GADD45A: variants seen among roughly 807,000 people sequenced by gnomAD.
GADD45A encodes the protein growth arrest and DNA damage-inducible protein GADD45 alpha.
Under a neutral mutation model 17.7 loss-of-function variants are expected in GADD45A, and 9 were observed. That is an observed-to-expected ratio of 0.51 (90% CI 0.31 to 0.89). The LOEUF (loss-of-function observed/expected upper bound fraction) is 0.89, where lower values mean the gene tolerates loss of function less well. Ranked by LOEUF, GADD45A falls within the 40% of genes least tolerant of loss-of-function variation. The pLI is 0.05. For missense variants in GADD45A, 149 were observed against 220.6 expected (o/e 0.68, Z 2.06); for synonymous variants, 95 against 92.2 (o/e 1.03, Z -0.17).
intron 3 of GADD45A, 21 bp downstream of exon 3, chr1:67,686,608 A>C (rs1415279592): frequency 6.3e-7 from 1 of 1,596,556 alleles, no homozygotes; most frequent in African/African-American, 1.3e-5. Context: ...GGGGGACTGC[A>C]GCCTGCAGGG....
Position 67,686,454 on chromosome 1 carries a change from A to C in GADD45A, c.251A>C (p.Glu84Ala). 1 of 1,613,858 alleles carries C rather than the reference A, an allele frequency of 6.2e-7. No homozygotes were observed. The highest frequency in any genetic ancestry group is 8.5e-7 in the Non-Finnish European group (1 of 1,179,862). ...HFTLIQAFCC[E>A]NDINILRVSN... ...ACCCTGATCCAGGCGTTTTGCTGCGAGAACGACATCAACATCCTGCGCGTC... is the reference window on the plus strand; with the variant it reads ...ACCCTGATCCAGGCGTTTTGCTGCGCGAACGACATCAACATCCTGCGCGTC... Residue 84 changes from glutamate to alanine, a missense_variant, in exon 3 of 4, where the codon GAG becomes GCG. Glu to Ala is a moderately radical substitution (Grantham distance 107, BLOSUM62 -1). Transcript: ENST00000370986.
chr1:67,686,016 C>T lies in GADD45A; in HGVS notation c.45-9C>T. 2 of 1,589,072 alleles carry T rather than the reference C, an allele frequency of 1.3e-6. No homozygotes were observed. Among genetic ancestry groups the T allele is most frequent in the Non-Finnish European group, 1.7e-6 (2 of 1,167,268 alleles). ...GCTGACGGGACCCCTCGCCCTTGCC[C>T]GCGTGTAGGATGGATAAGGTGGGGG... On this transcript the variant is annotated splice_polypyrimidine_tract_variant and intron_variant, in intron 1 of 3. Transcript: ENST00000370986.
At chr1:67,686,295 A>G (rs1319937964) in intron 2 of GADD45A, 55 bp from the exon 3 acceptor site, 5 of 1,519,580 alleles carry the variant, frequency 3.3e-6, no homozygotes, top group Non-Finnish European at 4.5e-6. Flanking sequence ...GGACCCGGGC[A>G]GTGGTTGAGG....
In GADD45A at chr1:67,685,261, G is replaced by T. The variant is rs1057313722; in HGVS notation, c.-234G>T. 9.9e-6 allele frequency: 5 copies of T among 507,240 alleles called. No individual in the cohort carries two copies. The highest frequency in any genetic ancestry group is 7.2e-5 in the East Asian group (2 of 27,862). 31.4% of individuals were successfully genotyped at this position (507,240 alleles called of 1,614,324 possible). A position where few individuals can be genotyped will look rare whatever the true frequency, so the allele number is the denominator to read the frequency against. On this transcript the variant is annotated 5_prime_UTR_variant, in exon 1 of 4. Transcript: ENST00000370986. ...CAATTAGTGTCGTGCGGCCCGTGGCGAGGCGAGGTCCGGGGAGCGAGCGAG... is the reference window on the plus strand; with the variant it reads ...CAATTAGTGTCGTGCGGCCCGTGGCTAGGCGAGGTCCGGGGAGCGAGCGAG...
rs777665397 is a variant in GADD45A at position 67,685,558 on chromosome 1, C to G, written c.44+20C>G. 3 of 1,598,148 alleles carry G rather than the reference C, an allele frequency of 1.9e-6. No individual in the cohort carries two copies. The highest frequency in any genetic ancestry group is 1.7e-6 in the Non-Finnish European group (2 of 1,171,212). ...CGAAAGGTGAGTCGGCCTGCGGACT[C>G]TTCCGGCCCGAACTTCTCTTACCTA... On this transcript the variant is annotated intron_variant, in intron 1 of 3. Transcript: ENST00000370986.
intron 2 of GADD45A, 52 bp downstream of exon 2, chr1:67,686,178 G>A (rs1285988511): frequency 2.7e-6 from 4 of 1,496,774 alleles, no homozygotes; most frequent in Admixed American, 1.9e-5. Flanking sequence ...GCCCCAGCCC[G>A]GGAGGTCGCC....
rs1212339657 is a variant in GADD45A at position 67,688,088 on chromosome 1, A to G, written c.*314A>G. 1.3e-5 allele frequency: 3 copies of G among 231,802 alleles called. No individual in the cohort carries two copies. The highest frequency in any genetic ancestry group is 4.5e-5 in the African/African-American group (2 of 44,396). 14.4% of individuals were successfully genotyped at this position (231,802 alleles called of 1,614,324 possible). ...GTTGAGTTACATTAAAATAAACCAA[A>G]TATGTTAAAGTTTAAGTGTGCAGCC... is the stretch of plus-strand genomic sequence containing the variant. On this transcript the variant is annotated 3_prime_UTR_variant, in exon 4 of 4. Coordinates refer to ENST00000370986, the MANE Select transcript of GADD45A (RefSeq NM_001924.4).
At chr1:67,687,285 C>G (rs774942023) in intron 3 of GADD45A, among the ~76,000 whole-genome samples, 1 of 152,118 alleles carries the variant, frequency 6.6e-6, no homozygotes, top group South Asian at 2.1e-4. Flanking sequence ...CTGTGCAGCT[C>G]TCATCTCATT....
At chr1:67,687,588 T>C (rs571550270) in intron 3 of GADD45A, 73 bp from the exon 4 acceptor site, 1 of 911,320 alleles carries the variant, frequency 1.1e-6, no homozygotes, top group East Asian at 2.6e-5. Context: ...TTCAAGTGTT[T>C]TCTCCTCAAA....
In GADD45A at chr1:67,687,645, A is replaced by T. The variant is rs769661908; in HGVS notation, c.385-16A>T. 6.9e-7 allele frequency: 1 copy of T among 1,442,342 alleles called. No homozygotes were observed. Among genetic ancestry groups the T allele is most frequent in the South Asian group, 1.1e-5 (1 of 87,190 alleles). The allele number at this position is 1,442,342 out of a possible 1,614,324, so 89.3% of individuals were successfully genotyped here. A position where few individuals can be genotyped will look rare whatever the true frequency, so the allele number is the denominator to read the frequency against. The stretch of plus-strand genomic sequence containing the variant: ...TGGTTTTTAAAATAAGTTTATTTTT[A>T]TAAATTTGTTTCCAGAATCCACATT... On this transcript the variant is annotated splice_polypyrimidine_tract_variant and intron_variant, in intron 3 of 3. Coordinates refer to ENST00000370986, the MANE Select transcript of GADD45A (RefSeq NM_001924.4).
chr1:67,685,313 G>A lies in GADD45A; in HGVS notation c.-182G>A, dbSNP rs1362771082. On this transcript the variant is annotated 5_prime_UTR_variant, in exon 1 of 4. Transcript: ENST00000370986. ...AAGCAAGGCGGGAGGGGTGGCCGGA[G>A]CTGCGGCGGCTGGCACAGGAGGAGG... is the stretch of plus-strand genomic sequence containing the variant. The A allele has an allele frequency of 3.6e-6, 2 of 550,670 alleles. No individual in the cohort carries two copies. The highest frequency in any genetic ancestry group is 4.1e-5 in the African/African-American group (2 of 49,126). 34.1% of individuals were successfully genotyped at this position (550,670 alleles called of 1,614,324 possible). A position where few individuals can be genotyped will look rare whatever the true frequency, so the allele number is the denominator to read the frequency against.
intron 1 of GADD45A, 109 bp downstream of exon 1, chr1:67,685,647 C>A: frequency 9.4e-7 from 1 of 1,061,918 alleles, no homozygotes; most frequent in Non-Finnish European, 1.4e-6. Flanking sequence ...AAAAAGTTTG[C>A]ACAGGGCAAC....
intron 3 of GADD45A, among the ~76,000 whole-genome samples, chr1:67,686,968 A>G (rs1646139178): frequency 2.0e-5 from 3 of 152,256 alleles, no homozygotes; most frequent in South Asian, 2.1e-4. Context: ...TCTGCCAGTC[A>G]GAGCTAAAAA....
chr1:67,687,944 G>T lies in GADD45A; in HGVS notation c.*170G>T. The T allele has an allele frequency of 2.0e-6, 1 of 497,118 alleles. No individual in the cohort carries two copies. The highest frequency in any genetic ancestry group is 3.6e-6 in the Non-Finnish European group (1 of 278,738). The allele number at this position is 497,118 out of a possible 1,614,324, so 30.8% of individuals were successfully genotyped here. ...TGGGGGCCCGGAGATAGATGACTTTGCAGATGGAAAGAGGTGAAAATGAAG... is the reference window on the plus strand; with the variant it reads ...TGGGGGCCCGGAGATAGATGACTTTTCAGATGGAAAGAGGTGAAAATGAAG... On this transcript the variant is annotated 3_prime_UTR_variant, in exon 4 of 4. Coordinates refer to ENST00000370986, the MANE Select transcript of GADD45A (RefSeq NM_001924.4).
Position 67,685,243 on chromosome 1 carries a change from T to G in GADD45A, c.-252T>G, listed in dbSNP as rs979796400. 2 of 499,116 alleles carry G rather than the reference T, an allele frequency of 4.0e-6. No individual in the cohort carries two copies. Among genetic ancestry groups the G allele is most frequent in the Non-Finnish European group, 7.0e-6 (2 of 284,820 alleles). 30.9% of individuals were successfully genotyped at this position (499,116 alleles called of 1,614,324 possible). A position where few individuals can be genotyped will look rare whatever the true frequency, so the allele number is the denominator to read the frequency against. On this transcript the variant is annotated 5_prime_UTR_variant, in exon 1 of 4. Transcript: ENST00000370986. ...GGCTGGGAGGCAGCGGCCCAATTAG[T>G]GTCGTGCGGCCCGTGGCGAGGCGAG...
At position 67,686,085 on chromosome 1, in the gene GADD45A, GA is replaced by G; in HGVS notation, c.106del (p.Ile36SerfsTer42). On this transcript the variant is annotated frameshift_variant, in exon 2 of 4. Coordinates refer to ENST00000370986, the MANE Select transcript of GADD45A (RefSeq NM_001924.4). LOFTEE classifies it high-confidence loss of function. ...VLSKALSQRT[I>X]TVGVYEAAKL... ...TCAGCAAAGCCCTGAGTCAGCGCAC[GA>G]TCACTGTCGGGGTGTACGAAGCGGC... 6.2e-7 allele frequency: 1 copy of G among 1,610,042 alleles called. No individual in the cohort carries two copies. The highest frequency in any genetic ancestry group is 8.5e-7 in the Non-Finnish European group (1 of 1,178,420).
chr1:67,685,804 TGGCAGG>T, intron 1 of GADD45A: 1 of 594,378 alleles, frequency 1.7e-6, no homozygotes, highest in Non-Finnish European at 3.0e-6. Flanking sequence ...TGGCAGCCTG[TGGCAGG>T]GGCACTCTCG....
In GADD45A at chr1:67,685,488, T is replaced by C. The variant is rs1646126377; in HGVS notation, c.-7T>C. 6.2e-7 allele frequency: 1 copy of C among 1,609,760 alleles called. No individual in the cohort carries two copies. The highest frequency in any genetic ancestry group is 8.5e-7 in the Non-Finnish European group (1 of 1,177,938). ...GCTCTCTCCCTGGGCGACCTGCAGTTTGCAATATGACTTTGGAGGAATTCT... is the reference window on the plus strand; with the variant it reads ...GCTCTCTCCCTGGGCGACCTGCAGTCTGCAATATGACTTTGGAGGAATTCT... On this transcript the variant is annotated 5_prime_UTR_variant, in exon 1 of 4. Transcript: ENST00000370986.
chr1:67,686,524 C>G lies in GADD45A; in HGVS notation c.321C>G (p.Asp107Glu), dbSNP rs768563295. 1 of 1,612,252 alleles carries G rather than the reference C, an allele frequency of 6.2e-7. No individual in the cohort carries two copies. The highest frequency in any genetic ancestry group is 8.5e-7 in the Non-Finnish European group (1 of 1,179,256). The stretch of plus-strand genomic sequence containing the variant: ...CGGAGCTCCTGCTCTTGGAGACCGA[C>G]GCTGGCCCCGCGGCGAGCGAGGGCG... ...RLAELLLLET[D>E]AGPAASEGAE... The change falls in exon 3 of 4, where the codon GAC (aspartate) becomes GAG (glutamate). Residue 107 changes from aspartate (D) to glutamate (E), a missense_variant. Physicochemically the swap from Asp to Glu is conservative, Grantham distance 45. Coordinates refer to ENST00000370986, the MANE Select transcript of GADD45A (RefSeq NM_001924.4).
Sources: gnomAD v4.1 joint callset for allele counts (sites outside exome capture counted in the v4.1 genomes callset) on GRCh38, gnomAD v4.1.1 for gene constraint, MANE v1.5 for transcripts, NCBI Gene and HGNC (gene_info 2026-07-23, HGNC 2026-07-21) for gene names.